NR2C2: variants seen among roughly 807,000 people sequenced by gnomAD.
NR2C2 encodes the protein nuclear receptor subfamily 2 group C member 2.
NR2C2 carries 6 observed loss-of-function variants against 62.9 expected under a neutral mutation model. The observed-to-expected ratio is 0.10, with a 90% CI of 0.05 to 0.19. The LOEUF is 0.19. Among genes scored for constraint, NR2C2 ranks in the 10% least tolerant of loss-of-function variants. The pLI is 1.00. For synonymous variants in NR2C2, 272 were observed against 273.8 expected (o/e 0.99, Z 0.07); for missense variants, 479 against 762.7 (o/e 0.63, Z 4.38).
chr3:14,976,594 C>T (rs1354861037), intron 1 of NR2C2, among the ~76,000 whole-genome samples: 1 of 122,544 alleles, frequency 8.2e-6, no homozygotes, highest in South Asian at 2.4e-4. Flanking sequence ...GTCTGTCTTC[C>T]TTCCTTCCTT....
intron 13 of NR2C2, among the ~76,000 whole-genome samples, chr3:15,040,954 C>T (rs991765509): frequency 5.9e-5 from 9 of 152,174 alleles, no homozygotes; most frequent in African/African-American, 2.2e-4. Context: ...AGCCACAGCA[C>T]ACTCGAGAAT....
chr3:14,990,198 T>C (rs1381000598), intron 1 of NR2C2, among the ~76,000 whole-genome samples: 1 of 152,172 alleles, frequency 6.6e-6, no homozygotes, highest in Non-Finnish European at 1.5e-5. Flanking sequence ...AGGTCTTTCC[T>C]CCTCTCCTTG....
intron 1 of NR2C2, among the ~76,000 whole-genome samples, chr3:14,976,179 G>A (rs567502665): frequency 1.3e-5 from 2 of 152,230 alleles, no homozygotes; most frequent in South Asian, 2.1e-4. Flanking sequence ...ATTGTTCATA[G>A]TACTAGTTTA....
chr3:14,964,230 A>G (rs2039771967), intron 1 of NR2C2, among the ~76,000 whole-genome samples: 1 of 152,250 alleles, frequency 6.6e-6, no homozygotes, highest in African/African-American at 2.4e-5. Context: ...CTCTAATATT[A>G]AATATTGAAA....
At chr3:15,013,453 G>A in intron 2 of NR2C2, 136 bp from the exon 3 acceptor site, 4 of 706,182 alleles carry the variant, frequency 5.7e-6, no homozygotes, top group South Asian at 1.7e-5. Context: ...TCAGTTCACC[G>A]TGGACTGGTG....
chr3:14,994,533 C>T (rs1466821354), intron 1 of NR2C2, among the ~76,000 whole-genome samples: 1 of 147,366 alleles, frequency 6.8e-6, no homozygotes, highest in African/African-American at 2.5e-5. Flanking sequence ...ACCTCTGCCT[C>T]CTGGGTTTAA....
At chr3:15,034,569 T>C in intron 10 of NR2C2, 101 bp from the exon 11 acceptor site, 1 of 1,236,978 alleles carries the variant, frequency 8.1e-7, no homozygotes, top group South Asian at 1.4e-5. Context: ...ACTTGCTGAA[T>C]TCACCTGTTT....
rs1393722512 is a variant in NR2C2, at chr3:15,043,679, G to C, written c.*671G>C. ...TCATGCAGTAAGTGGGAGTGTGGTAGCACAGTCGGTGGTGACCCAGTTCAG... is the reference window on the plus strand; with the variant it reads ...TCATGCAGTAAGTGGGAGTGTGGTACCACAGTCGGTGGTGACCCAGTTCAG... On this transcript the variant is annotated 3_prime_UTR_variant, in exon 14 of 14. Transcript: ENST00000425241. The C allele has an allele frequency of 1.3e-5, 2 of 152,418 alleles. No homozygotes were observed. The highest frequency in any genetic ancestry group is 2.9e-5 in the Non-Finnish European group (2 of 68,058). 9.4% of individuals were successfully genotyped at this position (152,418 alleles called of 1,614,324 possible).
intron 12 of NR2C2, chr3:15,038,775 T>C: frequency 5.1e-6 from 1 of 195,728 alleles, no homozygotes; most frequent in Non-Finnish European, 1.1e-5. Flanking sequence ...TGGGACAAAT[T>C]ATATAATTAT....
chr3:14,979,695 G>A (rs2040308997), intron 1 of NR2C2, among the ~76,000 whole-genome samples: 1 of 152,038 alleles, frequency 6.6e-6, no homozygotes, highest in South Asian at 2.1e-4. Flanking sequence ...AGCATGCTTG[G>A]TACAATAAAG....
At chr3:15,002,877 C>CT (rs1233688028) in intron 1 of NR2C2, among the ~76,000 whole-genome samples, 1 of 151,152 alleles carries the variant, frequency 6.6e-6, no homozygotes, top group African/African-American at 2.4e-5. Context: ...AGGCTTGTCT[C>CT]TAACTCCTGA....
intron 5 of NR2C2, 35 bp downstream of exon 5, chr3:15,020,967 T>C (rs771769907): frequency 7.5e-6 from 12 of 1,591,224 alleles, no homozygotes; most frequent in Admixed American, 6.7e-5. Flanking sequence ...CATGAGTTAA[T>C]GTGGAGGGAG....
chr3:14,994,422 G>A (rs1310226871), intron 1 of NR2C2, among the ~76,000 whole-genome samples: 2 of 128,294 alleles, frequency 1.6e-5, no homozygotes, highest in African/African-American at 5.8e-5. Context: ...TGAATTCGTT[G>A]TTGTTGTTTA....
At chr3:14,992,591 G>T (rs1287325921) in intron 1 of NR2C2, among the ~76,000 whole-genome samples, 1 of 152,174 alleles carries the variant, frequency 6.6e-6, no homozygotes, top group Non-Finnish European at 1.5e-5. Flanking sequence ...AGAGTACTAA[G>T]GTGCAGGGAC....
At chr3:14,948,057 TG>T (rs1376852690) in intron 1 of NR2C2, 151 bp downstream of exon 1, 1 of 151,802 alleles carries the variant, frequency 6.6e-6, no homozygotes, top group Admixed American at 6.5e-5. Context: ...CTTTGCATAG[TG>T]GGCCGGGCCG....
intron 11 of NR2C2, among the ~76,000 whole-genome samples, chr3:15,037,347 A>G (rs2042134382): frequency 6.6e-6 from 1 of 152,160 alleles, no homozygotes. Context: ...TTGGGACTAG[A>G]GAGGCACGAG....
In NR2C2 at chr3:15,028,724, G is replaced by A. The variant is rs1462508927; in HGVS notation, c.932+5G>A. The stretch of plus-strand genomic sequence containing the variant: ...GTCTGCAAGTGAGATAACTCGGTAC[G>A]AGCCCATGAGGATGGAGTCTCCCCT... On this transcript the variant is annotated splice_donor_5th_base_variant and intron_variant, in intron 8 of 13. Transcript: ENST00000425241. 6.2e-7 allele frequency: 1 copy of A among 1,613,186 alleles called. No individual in the cohort carries two copies. The highest frequency in any genetic ancestry group is 8.5e-7 in the Non-Finnish European group (1 of 1,179,352).
chr3:14,997,110 C>A (rs2040855422), intron 1 of NR2C2, among the ~76,000 whole-genome samples: 2 of 152,144 alleles, frequency 1.3e-5, no homozygotes, highest in Admixed American at 6.5e-5. Flanking sequence ...GGAAGGTAGT[C>A]CCATAAGATT....
intron 1 of NR2C2, chr3:14,948,603 G>C (rs977577005): frequency 6.6e-6 from 1 of 152,604 alleles, no homozygotes; most frequent in African/African-American, 2.4e-5. Flanking sequence ...GGCGGGGCCG[G>C]GGGCGGGGCG....
Sources: gnomAD v4.1 joint callset for allele counts (sites outside exome capture counted in the v4.1 genomes callset) on GRCh38, gnomAD v4.1.1 for gene constraint, MANE v1.5 for transcripts, NCBI Gene and HGNC (gene_info 2026-07-23, HGNC 2026-07-21) for gene names.